Variants in PDE4D observed in about 807,000 individuals in gnomAD.
The protein encoded by PDE4D is 3',5'-cyclic-AMP phosphodiesterase 4D.
In PDE4D, 24 loss-of-function variants were observed where a neutral mutation model predicts 87.4. That is an observed-to-expected ratio of 0.27 (90% CI 0.20 to 0.39). The LOEUF (loss-of-function observed/expected upper bound fraction) is 0.39. Among genes scored for constraint, PDE4D ranks in the 10% least tolerant of loss-of-function variants. The pLI is 1.00. For missense variants in PDE4D, 714 were observed against 1,041.0 expected (o/e 0.69, Z 4.32); for synonymous variants, 384 against 383.2 (o/e 1.00, Z -0.02).
chr5:59,939,341 C>A (rs1022679145), intron 3 of PDE4D, among the ~76,000 whole-genome samples: 1 of 152,120 alleles, frequency 6.6e-6, no homozygotes, highest in Non-Finnish European at 1.5e-5. Context: ...TTATTCTACA[C>A]TCAACAAATA....
At chr5:59,510,963 G>T (rs1377678894) in intron 1 of PDE4D, among the ~76,000 whole-genome samples, 1 of 151,882 alleles carries the variant, frequency 6.6e-6, no homozygotes, top group Non-Finnish European at 1.5e-5. Context: ...GAGAAAAATA[G>T]AATTTGACTC....
chr5:60,169,119 T>A (rs1783185293), intron 2 of PDE4D, among the ~76,000 whole-genome samples: 1 of 152,096 alleles, frequency 6.6e-6, no homozygotes, highest in South Asian at 2.1e-4. Context: ...GAATTATTAA[T>A]CTCCAAGAAC....
intron 1 of PDE4D, among the ~76,000 whole-genome samples, chr5:59,682,835 TAAATC>T (rs1480856369): frequency 6.6e-6 from 1 of 152,086 alleles, no homozygotes; most frequent in African/African-American, 2.4e-5. Flanking sequence ...GCAGCCCAAA[TAAATC>T]AAGAGAGTGT....
chr5:59,691,984 T>C (rs1219358611), intron 1 of PDE4D, among the ~76,000 whole-genome samples: 4 of 152,044 alleles, frequency 2.6e-5, no homozygotes, highest in Non-Finnish European at 4.4e-5. Flanking sequence ...GGGCAAAATA[T>C]AAATTGGCTA....
intron 2 of PDE4D, among the ~76,000 whole-genome samples, chr5:60,028,350 C>T (rs932154797): frequency 1.3e-5 from 2 of 152,218 alleles, no homozygotes; most frequent in Admixed American, 6.5e-5. Context: ...GCCCTGCCTT[C>T]ACCACTGTGC....
At chr5:59,673,411 T>C (rs746817832) in intron 1 of PDE4D, among the ~76,000 whole-genome samples, 4 of 152,200 alleles carry the variant, frequency 2.6e-5, no homozygotes, top group Non-Finnish European at 5.9e-5. Context: ...GAGGCATGCT[T>C]CACTTTTGTC....
intron 1 of PDE4D, among the ~76,000 whole-genome samples, chr5:59,698,923 A>G (rs72751221): frequency 0.027 from 4,177 of 152,256 alleles, 85 homozygotes; most frequent in South Asian, 0.041. Context: ...TTTCCCTGAG[A>G]GTGGAGGTTT....
chr5:59,605,338 A>T (rs180913070), intron 1 of PDE4D, among the ~76,000 whole-genome samples: 4 of 151,532 alleles, frequency 2.6e-5, no homozygotes, highest in African/African-American at 9.7e-5. Flanking sequence ...TCCAAATATA[A>T]GTATTTCTTA....
chr5:60,319,172 CTTTG>C (rs1755948139), intron 1 of PDE4D, among the ~76,000 whole-genome samples: 3 of 152,286 alleles, frequency 2.0e-5, no homozygotes, highest in Non-Finnish European at 2.9e-5. Context: ...TTCTTGGAGG[CTTTG>C]TTTGTTTCTG....
At chr5:59,557,661 CCTT>C (rs1235885515) in intron 1 of PDE4D, among the ~76,000 whole-genome samples, 1 of 152,066 alleles carries the variant, frequency 6.6e-6, no homozygotes, top group Non-Finnish European at 1.5e-5. Flanking sequence ...GGTGATGTAT[CCTT>C]CTTTTAGTTG....
At chr5:60,267,076 C>G (rs1428844884) in intron 1 of PDE4D, among the ~76,000 whole-genome samples, 2 of 152,104 alleles carry the variant, frequency 1.3e-5, no homozygotes, top group Non-Finnish European at 2.9e-5. Context: ...CAGAATGAAG[C>G]GCTATGCAAA....
At chr5:59,454,747 T>A (rs1038959747) in intron 1 of PDE4D, among the ~76,000 whole-genome samples, 6 of 152,142 alleles carry the variant, frequency 3.9e-5, no homozygotes, top group African/African-American at 1.4e-4. Flanking sequence ...CCTAGAGACA[T>A]GTTGAGTGGC....
chr5:59,212,459 C>T (rs1177194396), intron 2 of PDE4D, among the ~76,000 whole-genome samples: 1 of 152,014 alleles, frequency 6.6e-6, no homozygotes, highest in South Asian at 2.1e-4. Flanking sequence ...AGTGTTGACT[C>T]ATGGTCTGAT....
chr5:59,244,543 C>A (rs1290327047), intron 1 of PDE4D, among the ~76,000 whole-genome samples: 2 of 149,158 alleles, frequency 1.3e-5, no homozygotes, highest in Non-Finnish European at 3.0e-5. Context: ...TCTCTATATA[C>A]ACACATATAT....
At chr5:59,851,307 C>T (rs1183189778) in intron 1 of PDE4D, among the ~76,000 whole-genome samples, 1 of 152,026 alleles carries the variant, frequency 6.6e-6, no homozygotes, top group Non-Finnish European at 1.5e-5. Flanking sequence ...AAAGCCATAA[C>T]CACTGAAGAA....
intron 1 of PDE4D, among the ~76,000 whole-genome samples, chr5:59,818,879 A>C (rs1224334751): frequency 6.6e-6 from 1 of 152,158 alleles, no homozygotes; most frequent in Non-Finnish European, 1.5e-5. Context: ...ATAAAAAAAA[A>C]AACACAAGAA....
intron 5 of PDE4D, among the ~76,000 whole-genome samples, chr5:59,069,221 T>C (rs949063365): frequency 6.6e-6 from 1 of 152,154 alleles, no homozygotes; most frequent in African/African-American, 2.4e-5. Flanking sequence ...CCCCATACCA[T>C]GGAAACACAG....
chr5:60,244,195 C>T (rs533504375), intron 1 of PDE4D, among the ~76,000 whole-genome samples: 4 of 151,692 alleles, frequency 2.6e-5, no homozygotes, highest in African/African-American at 4.8e-5. Context: ...GAAAGTAGTA[C>T]CATTTATGAT....
chr5:59,531,769 G>A (rs1814272928), intron 1 of PDE4D, among the ~76,000 whole-genome samples: 1 of 152,196 alleles, frequency 6.6e-6, no homozygotes, highest in African/African-American at 2.4e-5. Context: ...GGACTTGTGT[G>A]ATTAGATTGG....
Sources: allele counts gnomAD v4.1 joint callset (sites outside exome capture counted in the v4.1 genomes callset), GRCh38; gene constraint gnomAD v4.1.1; transcripts MANE v1.5; gene names NCBI Gene and HGNC (gene_info 2026-07-23, HGNC 2026-07-21).